Variants in NKAIN1 observed in about 807,000 individuals in gnomAD.
NKAIN1 encodes sodium/potassium-transporting ATPase subunit beta-1-interacting protein 1.
NKAIN1 carries 13 observed loss-of-function variants against 31.6 expected under a neutral mutation model. The ratio of observed to expected loss-of-function variants is 0.41; its 90% CI spans 0.27 to 0.65. The LOEUF is 0.65. Ranked by LOEUF, NKAIN1 falls within the 30% of genes least tolerant of loss-of-function variation. The pLI is 0.30. For synonymous variants in NKAIN1, 104 were observed against 109.0 expected, an observed-to-expected ratio of 0.95 and a Z score of 0.28; for missense variants, 193 against 262.2, an observed-to-expected ratio of 0.74 and a Z score of 1.82.
chr1:31,232,431 A>G (rs1254605491), intron 1 of NKAIN1, among the ~76,000 whole-genome samples: 1 of 62,178 alleles, frequency 1.6e-5, no homozygotes, highest in Non-Finnish European at 2.9e-5. Context: ...ATATAGAGAG[A>G]GAGAGAGAGA....
At chr1:31,188,934 G>C (rs1645264844) in intron 1 of NKAIN1, among the ~76,000 whole-genome samples, 1 of 151,722 alleles carries the variant, frequency 6.6e-6, no homozygotes, top group Non-Finnish European at 1.5e-5. Context: ...AATCTCTTGA[G>C]CCCAGCAGGC....
intron 1 of NKAIN1, among the ~76,000 whole-genome samples, chr1:31,227,514 A>G (rs940502914): frequency 3.3e-5 from 5 of 152,198 alleles, no homozygotes; most frequent in African/African-American, 1.2e-4. Flanking sequence ...CTCCAGGTAA[A>G]GCAGTTACAG....
chr1:31,211,603 C>T (rs1004743261), intron 1 of NKAIN1, among the ~76,000 whole-genome samples: 14 of 146,586 alleles, frequency 9.6e-5, no homozygotes, highest in African/African-American at 3.3e-4. Context: ...TTCCAACTAC[C>T]TTTTTTTTTT....
intron 1 of NKAIN1, among the ~76,000 whole-genome samples, chr1:31,193,051 AT>A (rs1233559979): frequency 1.8e-5 from 2 of 109,988 alleles, no homozygotes; most frequent in Non-Finnish European, 4.8e-5. Flanking sequence ...TCTCAATTTT[AT>A]TTTATTATTT....
At chr1:31,210,029 A>G (rs1325356238) in intron 1 of NKAIN1, among the ~76,000 whole-genome samples, 2 of 151,630 alleles carry the variant, frequency 1.3e-5, no homozygotes, top group Non-Finnish European at 2.9e-5. Flanking sequence ...AGGACTCACA[A>G]TGGCTGATCC....
At chr1:31,220,754 C>CAAAAA (rs772908877) in intron 1 of NKAIN1, among the ~76,000 whole-genome samples, 7 of 58,888 alleles carry the variant, frequency 1.2e-4, no homozygotes, top group Admixed American at 2.1e-4. Context: ...ACTCCATCTC[C>CAAAAA]AAAAAAAAAA....
intron 1 of NKAIN1, among the ~76,000 whole-genome samples, chr1:31,216,694 A>ATTTATTTATTTG (rs1436304984): frequency 4.1e-5 from 6 of 145,142 alleles, no homozygotes; most frequent in Non-Finnish European, 7.5e-5. Context: ...ATTGACTTTT[A>ATTTATTTATTTG]TTTATTTATT....
chr1:31,237,880 T>A (rs1450204640), intron 1 of NKAIN1, among the ~76,000 whole-genome samples: 2 of 151,784 alleles, frequency 1.3e-5, no homozygotes, highest in South Asian at 2.1e-4. Context: ...CTTTTCTAAT[T>A]AAAAAAAACC....
At chr1:31,218,016 T>TTTTCTTTCTTTCTTTCTTTTCTTTC (rs1645526607) in intron 1 of NKAIN1, among the ~76,000 whole-genome samples, 1 of 108,212 alleles carries the variant, frequency 9.2e-6, no homozygotes, top group Non-Finnish European at 1.8e-5. Context: ...GCAGCTACCA[T>TTTTCTTTCTTTCTTTCTTTTCTTTC]TTTCTTTCTT....
At chr1:31,204,676 A>C (rs1217242597) in intron 1 of NKAIN1, among the ~76,000 whole-genome samples, 1 of 152,224 alleles carries the variant, frequency 6.6e-6, no homozygotes, top group Non-Finnish European at 1.5e-5. Flanking sequence ...GGATAAATAA[A>C]ATGGTGATTA....
intron 1 of NKAIN1, among the ~76,000 whole-genome samples, chr1:31,228,413 GA>G (rs1241130894): frequency 6.6e-6 from 1 of 152,134 alleles, no homozygotes; most frequent in Non-Finnish European, 1.5e-5. Flanking sequence ...CCTGTGATTT[GA>G]GGTATGGGGT....
chr1:31,234,039 G>C (rs1391045528), intron 1 of NKAIN1, among the ~76,000 whole-genome samples: 1 of 152,180 alleles, frequency 6.6e-6, no homozygotes, highest in Admixed American at 6.5e-5. Flanking sequence ...AGGAGAACCA[G>C]GGCCATCCCC....
chr1:31,210,182 C>T (rs1330515848), intron 1 of NKAIN1, among the ~76,000 whole-genome samples: 2 of 152,066 alleles, frequency 1.3e-5, no homozygotes, highest in South Asian at 4.1e-4. Flanking sequence ...TCAGCGCCCT[C>T]CTTTTCCCAA....
chr1:31,199,607 C>A (rs140242397), intron 1 of NKAIN1, among the ~76,000 whole-genome samples: 5 of 152,230 alleles, frequency 3.3e-5, no homozygotes, highest in African/African-American at 1.2e-4. Flanking sequence ...CAGTGATGTG[C>A]CTGAGGGGAG....
intron 1 of NKAIN1, among the ~76,000 whole-genome samples, chr1:31,218,054 T>TTCTTTCTTTCTTTCTTTC (rs1645529793): frequency 1.4e-5 from 2 of 142,846 alleles, no homozygotes; most frequent in Non-Finnish European, 3.0e-5. Context: ...CTTTCTTTCT[T>TTCTTTCTTTCTTTCTTTC]TCTTTCTTTC....
In NKAIN1 at chr1:31,203,877, G is replaced by A. The variant is rs117067247; in HGVS notation, c.55-15690C>T. Among the ~76,000 whole-genome samples the A allele has an allele frequency of 4.3e-3, 649 of 152,138 alleles. 46 individuals are homozygous for A. In the East Asian group the frequency reaches 0.11, roughly 25 times the overall value. On this transcript the variant is annotated intron_variant, in intron 1 of 6. Transcript: ENST00000373736. ...TGGGATTACAGGCGTGAGCCACTGC[G>A]CTCGGCCTATGAGTAATATTTTTAT...
At chr1:31,216,626 C>T (rs1449700480) in intron 1 of NKAIN1, among the ~76,000 whole-genome samples, 3 of 152,122 alleles carry the variant, frequency 2.0e-5, no homozygotes, top group Admixed American at 6.6e-5. Context: ...GACTTTTCTT[C>T]CAGAGGAGGG....
At chr1:31,217,421 C>T (rs912567599) in intron 1 of NKAIN1, among the ~76,000 whole-genome samples, 23 of 152,314 alleles carry the variant, frequency 1.5e-4, no homozygotes, top group African/African-American at 5.5e-4. Flanking sequence ...CTGCTTTGGC[C>T]TCTCAAAATG....
chr1:31,186,128 C>A (rs1463370905), intron 2 of NKAIN1, among the ~76,000 whole-genome samples: 3 of 151,186 alleles, frequency 2.0e-5, no homozygotes, highest in Non-Finnish European at 4.4e-5. Context: ...TTTGGGAGGC[C>A]AAGGTGGGCA....
Sources: allele counts gnomAD v4.1 joint callset (sites outside exome capture counted in the v4.1 genomes callset), GRCh38; gene constraint gnomAD v4.1.1; transcripts MANE v1.5; gene names NCBI Gene and HGNC (gene_info 2026-07-23, HGNC 2026-07-21).